Variants in RPS17 observed in about 807,000 individuals in gnomAD.
The protein encoded by RPS17 is small ribosomal subunit protein eS17.
For missense variants in RPS17, 68 were observed against 182.3 expected, an observed-to-expected ratio of 0.37 and a Z score of 3.61; for synonymous variants, 75 against 65.6, an observed-to-expected ratio of 1.14 and a Z score of -0.70.
chr15:82,537,506 C>A, intron 4 of RPS17: 1 of 306,548 alleles, frequency 3.3e-6, no homozygotes, highest in African/African-American at 2.2e-5. Flanking sequence ...GCAGACCCTG[C>A]CCTCAAACAA....
intron 2 of RPS17, chr15:82,539,614 G>A: frequency 4.9e-6 from 2 of 411,372 alleles, no homozygotes; most frequent in South Asian, 3.9e-5. Flanking sequence ...GCTTGAACCC[G>A]GGAGACGGAG....
intron 2 of RPS17, 39 bp from the exon 3 acceptor site, chr15:82,539,024 C>A (rs1390582328): frequency 2.5e-6 from 4 of 1,589,138 alleles, no homozygotes; most frequent in Admixed American, 1.7e-5. Context: ...AGTGAGAAGA[C>A]AAATCAACTC....
chr15:82,540,222 C>T (rs1431792843), intron 1 of RPS17, 90 bp from the exon 2 acceptor site: 2 of 1,610,498 alleles, frequency 1.2e-6, no homozygotes, highest in African/African-American at 2.7e-5. Flanking sequence ...TGGTTGGGGA[C>T]CGCCGGCTGC....
chr15:82,538,805 T>A (rs995941454), intron 3 of RPS17, 75 bp downstream of exon 3: 45 of 1,474,750 alleles, frequency 3.1e-5, no homozygotes, highest in Middle Eastern at 4.3e-4. Context: ...TCAGCTGAGG[T>A]CCCTTTGGAA....
rs968377128 is a variant in RPS17 at position 82,539,987 on chromosome 15, A to G, written c.149T>C (p.Ile50Thr). Residue 50 changes from isoleucine (I) to threonine (T), a missense_variant, in exon 2 of 5, where the codon ATA becomes ACA. Transcript: ENST00000647841. ...IIPSKKLRNK[I>T]AGYVTHLMKR... Reference sequence around the variant, plus strand: ...CGAGGAAGGCCCGACTCACCCTGCTATCTTGTTGCGGAGCTTTTTGCTGGG... The same window carrying G: ...CGAGGAAGGCCCGACTCACCCTGCTGTCTTGTTGCGGAGCTTTTTGCTGGG... The G allele has an allele frequency of 6.2e-7, 1 of 1,612,066 alleles. No individual in the cohort carries two copies. Among genetic ancestry groups the G allele is most frequent in the Admixed American group, 1.7e-5 (1 of 60,024 alleles).
intron 2 of RPS17, chr15:82,539,234 GC>G: frequency 1.9e-6 from 1 of 532,268 alleles, no homozygotes; most frequent in Non-Finnish European, 3.4e-6. Context: ...AACTCGCCCC[GC>G]CCCGCCCCGC....
At chr15:82,540,247 G>T (rs1261816791) in intron 1 of RPS17, 115 bp from the exon 2 acceptor site, 1 of 1,606,606 alleles carries the variant, frequency 6.2e-7, no homozygotes. Flanking sequence ...AGCCGGAGAG[G>T]GCCCGGCTAA....
At chr15:82,537,834 A>G (rs2150887167) in intron 4 of RPS17, 1 of 455,510 alleles carries the variant, frequency 2.2e-6, no homozygotes, top group Admixed American at 2.3e-5. Context: ...TCACCCAAGT[A>G]TGCAAAAGGA....
chr15:82,538,800 T>C, intron 3 of RPS17, 80 bp downstream of exon 3: 3 of 1,436,990 alleles, frequency 2.1e-6, no homozygotes, highest in Non-Finnish European at 2.9e-6. Context: ...CAGATTCAGC[T>C]GAGGTCCCTT....
rs916304210 is a variant in RPS17, at chr15:82,538,614, C to T, written c.262-243G>A. ...AAGTCTGTGTTTACACCAAAGAATACTATATTAGGGGCAAACAATCGAGCC... is the reference window on the plus strand; with the variant it reads ...AAGTCTGTGTTTACACCAAAGAATATTATATTAGGGGCAAACAATCGAGCC... On this transcript the variant is annotated intron_variant, in intron 3 of 4. Transcript: ENST00000647841. The T allele has an allele frequency of 6.1e-6, 4 of 653,252 alleles. No homozygotes were observed. The East Asian group carries it at 1.1e-4, about 18-fold the overall frequency. 40.5% of individuals were successfully genotyped at this position (653,252 alleles called of 1,614,324 possible). A position where few individuals can be genotyped will look rare whatever the true frequency, so the allele number is the denominator to read the frequency against.
In RPS17 at chr15:82,539,765, T is replaced by C. The variant is rs1452358313; in HGVS notation, c.155+216A>G. On this transcript the variant is annotated intron_variant, in intron 2 of 4. Transcript: ENST00000647841. ...AGCTTCAAAGCAAGAGGTCTGACGG[T>C]GGCTACCTTCGACCCAGGGTCACCG... The C allele has an allele frequency of 1.2e-5, 9 of 755,508 alleles. No homozygotes were observed. The African/African-American group carries it at 1.6e-4, about 13-fold the overall frequency. The allele number at this position is 755,508 out of a possible 1,614,324, so 46.8% of individuals were successfully genotyped here.
chr15:82,539,059 A>G, intron 2 of RPS17, 74 bp from the exon 3 acceptor site: 1 of 1,358,166 alleles, frequency 7.4e-7, no homozygotes, highest in Non-Finnish European at 1.1e-6. Flanking sequence ...GCACATGTGC[A>G]TATATAAATA....
chr15:82,540,362 A>G, intron 1 of RPS17, 64 bp downstream of exon 1: 1 of 1,584,978 alleles, frequency 6.3e-7, no homozygotes, highest in Non-Finnish European at 8.6e-7. Flanking sequence ...TGGGCTGAGG[A>G]CCGCGGGAAG....
At chr15:82,539,200 A>C (rs1027270285) in intron 2 of RPS17, 3 of 673,820 alleles carry the variant, frequency 4.5e-6, no homozygotes, top group East Asian at 2.9e-5. Context: ...ACTCTCCTTC[A>C]TGATGATCAA....
intron 4 of RPS17, chr15:82,537,135 ATC>A (rs2034254067): frequency 1.0e-5 from 6 of 581,856 alleles, no homozygotes; most frequent in South Asian, 6.0e-5. Context: ...TGCCATTTGT[ATC>A]TGTTTTCACA....
Position 82,537,274 on chromosome 15 carries a change from C to T in RPS17, c.328-393G>A, listed in dbSNP as rs1343180091. On this transcript the variant is annotated intron_variant, in intron 4 of 4. Transcript: ENST00000647841. Reference sequence around the variant, plus strand: ...GCAGAAAGTTTAGCAACATCCTTGGCCTCTACCCCTTAGAAGTTAGCAGGT... The same window carrying T: ...GCAGAAAGTTTAGCAACATCCTTGGTCTCTACCCCTTAGAAGTTAGCAGGT... The T allele has an allele frequency of 5.0e-5, 17 of 337,786 alleles. No homozygotes were observed. In the Admixed American group the frequency reaches 6.8e-4, roughly 14 times the overall value. 20.9% of individuals were successfully genotyped at this position (337,786 alleles called of 1,614,324 possible).
chr15:82,537,114 C>G, intron 4 of RPS17: 1 of 618,302 alleles, frequency 1.6e-6, no homozygotes, highest in Admixed American at 2.8e-5. Flanking sequence ...TGACTTTTAC[C>G]CAATGTACCA....
chr15:82,537,593 A>T, intron 4 of RPS17: 1 of 342,636 alleles, frequency 2.9e-6, no homozygotes, highest in East Asian at 7.9e-5. Context: ...TGGTCCTCAG[A>T]AACCCATTTT....
At chr15:82,537,273 G>T in intron 4 of RPS17, 1 of 337,656 alleles carries the variant, frequency 3.0e-6, no homozygotes, top group South Asian at 2.7e-5. Flanking sequence ...AACATCCTTG[G>T]CCTCTACCCC....
Sources: gnomAD v4.1 joint callset for allele counts on GRCh38, gnomAD v4.1.1 for gene constraint, MANE v1.5 for transcripts, NCBI Gene and HGNC (gene_info 2026-07-23, HGNC 2026-07-21) for gene names.